Variants in CTNNA3 observed in about 807,000 individuals in gnomAD.
CTNNA3 encodes the protein catenin alpha 3.
In CTNNA3, 76 loss-of-function variants were observed where a neutral mutation model predicts 95.7. The ratio of observed to expected loss-of-function variants is 0.79; its 90% CI spans 0.66 to 0.96. The LOEUF (loss-of-function observed/expected upper bound fraction) is 0.96, where lower values mean the gene tolerates loss of function less well. Among genes scored for constraint, CTNNA3 ranks in the 40% least tolerant of loss-of-function variants. The pLI, the probability that CTNNA3 is intolerant of heterozygous loss-of-function variation, is 0.00. For synonymous variants in CTNNA3, 431 were observed against 374.4 expected (o/e 1.15, Z -1.74); for missense variants, 1,191 against 1,089.8 (o/e 1.09, Z -1.31).
intron 4 of CTNNA3, among the ~76,000 whole-genome samples, chr10:67,538,160 A>G (rs1206790335): frequency 7.5e-6 from 1 of 133,148 alleles, no homozygotes; most frequent in Non-Finnish European, 1.7e-5. Flanking sequence ...CTTAAACTAA[A>G]AAAAAAAAAA....
At chr10:66,346,883 G>A (rs2092525927) in intron 12 of CTNNA3, among the ~76,000 whole-genome samples, 1 of 151,966 alleles carries the variant, frequency 6.6e-6, no homozygotes, top group African/African-American at 2.4e-5. Context: ...TGGAAAAATT[G>A]AGGTGATGAG....
At chr10:67,095,471 A>C (rs74141799) in intron 7 of CTNNA3, among the ~76,000 whole-genome samples, 3,503 of 151,916 alleles carry the variant, frequency 0.023, 136 homozygotes, top group African/African-American at 0.08. Flanking sequence ...CATCAGAGCT[A>C]ACTATTTAAT....
In CTNNA3 at chr10:66,442,603, G is replaced by GA. The variant is rs906803857; in HGVS notation, c.1532-63252dup. Among the ~76,000 whole-genome samples the GA allele has an allele frequency of 3.3e-5, 5 of 151,886 alleles. No homozygotes were observed. The South Asian group carries it at 6.2e-4, about 19-fold the overall frequency. ...CCAAAGAAAGTTGCATTGATGAATA[G>GA]AAAAAAAATAGCTTTATTCCCCTAC... is the stretch of plus-strand genomic sequence containing the variant. On this transcript the variant is annotated intron_variant, in intron 11 of 17. Coordinates refer to ENST00000433211, the MANE Select transcript of CTNNA3 (RefSeq NM_013266.4).
At chr10:65,943,140 T>C (rs1405215342) in intron 17 of CTNNA3, among the ~76,000 whole-genome samples, 3 of 151,758 alleles carry the variant, frequency 2.0e-5, no homozygotes, top group African/African-American at 7.2e-5. Context: ...CTCGGCTCAC[T>C]GCAAGCTCCG....
chr10:66,157,473 T>TAGACA (rs1371726255), intron 13 of CTNNA3, among the ~76,000 whole-genome samples: 1 of 135,138 alleles, frequency 7.4e-6, no homozygotes, highest in African/African-American at 2.8e-5. Context: ...GATAGACAGA[T>TAGACA]GATAGATAGA....
At chr10:66,790,910 A>G (rs963996295) in intron 7 of CTNNA3, among the ~76,000 whole-genome samples, 4 of 152,018 alleles carry the variant, frequency 2.6e-5, no homozygotes, top group African/African-American at 4.8e-5. Flanking sequence ...TATCCCTCCA[A>G]TTGTACATCA....
At chr10:66,962,411 T>G (rs1044941820) in intron 7 of CTNNA3, among the ~76,000 whole-genome samples, 1 of 140,192 alleles carries the variant, frequency 7.1e-6, no homozygotes, top group African/African-American at 2.8e-5. Flanking sequence ...TTTTTGTTTT[T>G]GTTTTTGTTT....
At chr10:67,064,739 T>C (rs1855965292) in intron 7 of CTNNA3, among the ~76,000 whole-genome samples, 1 of 152,200 alleles carries the variant, frequency 6.6e-6, no homozygotes, top group Non-Finnish European at 1.5e-5. Context: ...AATTTAAGTG[T>C]ATAATATTCT....
At chr10:66,781,234 T>C (rs1840523932) in intron 7 of CTNNA3, among the ~76,000 whole-genome samples, 1 of 152,210 alleles carries the variant, frequency 6.6e-6, no homozygotes, top group Non-Finnish European at 1.5e-5. Context: ...GTTATTGTTA[T>C]GTTTTATTTT....
chr10:67,393,449 G>A (rs1844591018), intron 5 of CTNNA3, among the ~76,000 whole-genome samples: 2 of 152,042 alleles, frequency 1.3e-5, no homozygotes, highest in African/African-American at 4.8e-5. Context: ...AATATCCCCA[G>A]TATATTCTGC....
chr10:67,081,719 G>C (rs1857067412), intron 7 of CTNNA3, among the ~76,000 whole-genome samples: 1 of 152,136 alleles, frequency 6.6e-6, no homozygotes, highest in South Asian at 2.1e-4. Flanking sequence ...GCTGTCTCAT[G>C]CCTCTGCACT....
At position 67,580,100 on chromosome 10, in the gene CTNNA3, T is replaced by C. The variant is rs560321162; in HGVS notation, c.292+26757A>G. 2.5e-3 allele frequency among the ~76,000 whole-genome samples: 375 copies of C among 152,306 alleles called. 4 individuals carry two copies. The highest frequency in any genetic ancestry group is 8.3e-3 in the African/African-American group (345 of 41,558). The stretch of plus-strand genomic sequence containing the variant: ...AATTTAGGCTTTTGTTGCCATTGCT[T>C]TTGGTTTTTAACTCATGAAGTCCTT... On this transcript the variant is annotated intron_variant, in intron 3 of 17. Coordinates refer to ENST00000433211, the MANE Select transcript of CTNNA3 (RefSeq NM_013266.4).
intron 1 of CTNNA3, among the ~76,000 whole-genome samples, chr10:67,743,618 T>C (rs935189983): frequency 6.6e-6 from 1 of 151,208 alleles, no homozygotes; most frequent in African/African-American, 2.4e-5. Flanking sequence ...CTCTCACTAC[T>C]CCTATTCAAC....
chr10:67,306,297 G>C (rs1840551332), intron 5 of CTNNA3, among the ~76,000 whole-genome samples: 1 of 152,158 alleles, frequency 6.6e-6, no homozygotes, highest in South Asian at 2.1e-4. Flanking sequence ...TCTTATACCA[G>C]ACATTGGGGT....
At chr10:67,473,822 A>C (rs1164461215) in intron 5 of CTNNA3, among the ~76,000 whole-genome samples, 1 of 152,236 alleles carries the variant, frequency 6.6e-6, no homozygotes, top group Non-Finnish European at 1.5e-5. Flanking sequence ...TTTAAGCTCT[A>C]TATGGGAGGA....
chr10:67,660,886 G>A (rs1322239257), intron 1 of CTNNA3, among the ~76,000 whole-genome samples: 6 of 149,664 alleles, frequency 4.0e-5, no homozygotes, highest in East Asian at 2.0e-4. Flanking sequence ...AGCCAAGATC[G>A]CGCCACTGCA....
chr10:66,547,166 A>G (rs1842059273), intron 10 of CTNNA3, among the ~76,000 whole-genome samples: 1 of 151,892 alleles, frequency 6.6e-6, no homozygotes, highest in Non-Finnish European at 1.5e-5. Context: ...TGGCTCTTAA[A>G]TCTTCTAGCC....
rs1264236568 is a variant in CTNNA3 at position 66,344,694 on chromosome 10, CCAAA to C, written c.1732+34454_1732+34457del. On this transcript the variant is annotated intron_variant, in intron 12 of 17. Coordinates refer to ENST00000433211, the MANE Select transcript of CTNNA3 (RefSeq NM_013266.4). ...GATCTAAAGTCTTCTCTCTATGGTC[CCAAA>C]CAGTCTCTTTATGAAAGTTTATGAT... Among the ~76,000 whole-genome samples the C allele has an allele frequency of 4.6e-5, 7 of 151,988 alleles. 1 individual carries two copies. The highest frequency in any genetic ancestry group is 1.0e-4 in the Non-Finnish European group (7 of 67,970).
chr10:66,717,049 A>C (rs995671916), intron 9 of CTNNA3, among the ~76,000 whole-genome samples: 13 of 151,886 alleles, frequency 8.6e-5, no homozygotes, highest in African/African-American at 1.7e-4. Context: ...AAAAAAAAAA[A>C]ACAGAAAACT....
Sources: allele counts gnomAD v4.1 joint callset (sites outside exome capture counted in the v4.1 genomes callset), GRCh38; gene constraint gnomAD v4.1.1; transcripts MANE v1.5; gene names NCBI Gene and HGNC (gene_info 2026-07-23, HGNC 2026-07-21).